Variants in MED12L observed in about 807,000 individuals in gnomAD.
MED12L encodes mediator complex subunit 12L, also known as mediator of RNA polymerase II transcription subunit 12-like protein.
A neutral mutation model predicts 281.3 loss-of-function variants in MED12L; 60 were observed. The observed-to-expected ratio is 0.21, with a 90% CI of 0.17 to 0.26. MED12L has a LOEUF of 0.26. Ranked by LOEUF, MED12L falls within the 10% of genes least tolerant of loss-of-function variation. The pLI is 1.00. For missense variants in MED12L, 2,146 were observed against 2,680.9 expected, an observed-to-expected ratio of 0.80 and a Z score of 4.41; for synonymous variants, 974 against 987.2, an observed-to-expected ratio of 0.99 and a Z score of 0.25.
chr3:151,310,254 G>C (rs550375316), intron 16 of MED12L, among the ~76,000 whole-genome samples: 63 of 152,296 alleles, frequency 4.1e-4, no homozygotes, highest in African/African-American at 1.3e-3. Context: ...TTAGAATAAA[G>C]TACACTGGGG....
At chr3:151,143,623 A>G (rs985329558) in intron 5 of MED12L, among the ~76,000 whole-genome samples, 4 of 152,084 alleles carry the variant, frequency 2.6e-5, no homozygotes, top group Admixed American at 6.5e-5. Context: ...CATTCCCCTG[A>G]ATCTTCAGGA....
At chr3:151,309,572 A>G (rs748099907) in intron 16 of MED12L, among the ~76,000 whole-genome samples, 17 of 152,140 alleles carry the variant, frequency 1.1e-4, no homozygotes, top group Non-Finnish European at 2.5e-4. Flanking sequence ...CTTATCTATT[A>G]GGCAAGCTCC....
chr3:151,172,642 T>C (rs1325356292), intron 11 of MED12L, among the ~76,000 whole-genome samples: 3 of 152,238 alleles, frequency 2.0e-5, no homozygotes, highest in Non-Finnish European at 2.9e-5. Flanking sequence ...AAGGAAATCA[T>C]GTTCATTTAA....
intron 16 of MED12L, chr3:151,336,452 TC>T: frequency 2.2e-6 from 1 of 451,848 alleles, no homozygotes. Flanking sequence ...TTATTAAAGT[TC>T]AGTGAACTTT....
intron 32 of MED12L, 113 bp downstream of exon 32, chr3:151,380,337 CTGT>C (rs1712035190): frequency 1.5e-6 from 1 of 687,036 alleles, no homozygotes; most frequent in Admixed American, 3.5e-5. Context: ...TGGCTCATGC[CTGT>C]AATCCCAGCA....
intron 40 of MED12L, among the ~76,000 whole-genome samples, chr3:151,409,843 A>G (rs957014353): frequency 1.3e-5 from 2 of 152,138 alleles, no homozygotes; most frequent in Non-Finnish European, 2.9e-5. Flanking sequence ...GCATGCACCT[A>G]TAGTCCCAGT....
chr3:151,284,788 A>G (rs1482743900), intron 16 of MED12L, among the ~76,000 whole-genome samples: 7 of 152,102 alleles, frequency 4.6e-5, no homozygotes, highest in Non-Finnish European at 8.8e-5. Flanking sequence ...TTGTATTTTC[A>G]GTAGTGACAG....
At chr3:151,318,411 G>A (rs1280596631) in intron 16 of MED12L, among the ~76,000 whole-genome samples, 1 of 150,680 alleles carries the variant, frequency 6.6e-6, no homozygotes, top group Non-Finnish European at 1.5e-5. Context: ...GAAGGGTTAT[G>A]CTATGCAGAC....
intron 16 of MED12L, among the ~76,000 whole-genome samples, chr3:151,247,067 C>T (rs1199308892): frequency 6.6e-6 from 1 of 152,156 alleles, no homozygotes; most frequent in Admixed American, 6.5e-5. Context: ...AAGAAGATAC[C>T]ATCTCACACC....
At chr3:151,247,962 C>CTTTTTTTTTTTTTTTTTTTTT (rs61102632) in intron 16 of MED12L, among the ~76,000 whole-genome samples, 12 of 75,898 alleles carry the variant, frequency 1.6e-4, no homozygotes, top group Non-Finnish European at 2.2e-4. Flanking sequence ...TCTTCTTCTT[C>CTTTTTTTTTTTTTTTTTTTTT]TTTTTTTTTT....
chr3:151,294,523 T>G (rs1391962219), intron 16 of MED12L: 4 of 1,614,144 alleles, frequency 2.5e-6, no homozygotes, highest in Non-Finnish European at 3.4e-6. Flanking sequence ...TTGACTGACT[T>G]ATGAATTGCC....
At chr3:151,333,575 C>T (rs955484276) in intron 16 of MED12L, among the ~76,000 whole-genome samples, 7 of 152,088 alleles carry the variant, frequency 4.6e-5, no homozygotes, top group Admixed American at 3.3e-4. Flanking sequence ...AGTTAGTTTA[C>T]GATAATAGTT....
intron 15 of MED12L, 57 bp from the exon 16 acceptor site, chr3:151,193,433 G>A (rs1724243298): frequency 7.1e-7 from 1 of 1,413,610 alleles, no homozygotes; most frequent in South Asian, 1.2e-5. Context: ...GTAGCACTGT[G>A]GTTTGGTTTT....
intron 16 of MED12L, among the ~76,000 whole-genome samples, chr3:151,268,752 CAG>C (rs1179976272): frequency 6.6e-6 from 1 of 152,102 alleles, no homozygotes; most frequent in Non-Finnish European, 1.5e-5. Context: ...TTGTTCTCTG[CAG>C]AGAGCTACTA....
intron 44 of MED12L, among the ~76,000 whole-genome samples, 187 bp downstream of exon 44, chr3:151,430,567 T>G (rs1283707969): frequency 6.6e-6 from 1 of 151,498 alleles, no homozygotes; most frequent in Non-Finnish European, 1.5e-5. Context: ...CTTCCTTTCC[T>G]GGGAAAGCCC....
rs547833596 is a variant in MED12L at position 151,294,702 on chromosome 3, C to T, written c.2251-55357C>T. On this transcript the variant is annotated intron_variant, in intron 16 of 44. Coordinates refer to ENST00000687756, the MANE Select transcript of MED12L (RefSeq NM_001393769.1). ...TGGATATTGTCCTCTGTTGGCTGACCATTTGTTAGGATGATGTTTGGCAAA... is the reference window on the plus strand; with the variant it reads ...TGGATATTGTCCTCTGTTGGCTGACTATTTGTTAGGATGATGTTTGGCAAA... 49 of 1,614,110 alleles carry T rather than the reference C, an allele frequency of 3.0e-5. No homozygotes were observed. In the East Asian group the frequency reaches 1.0e-3, roughly 34 times the overall value.
chr3:151,086,340 C>T (rs1400072233), intron 1 of MED12L: 1 of 152,832 alleles, frequency 6.5e-6, no homozygotes, highest in Non-Finnish European at 1.5e-5. Flanking sequence ...GCGGGGTCTG[C>T]GGGGCGCGTG....
chr3:151,342,480 C>T (rs1751984619), intron 16 of MED12L, among the ~76,000 whole-genome samples: 1 of 152,206 alleles, frequency 6.6e-6, no homozygotes, highest in Non-Finnish European at 1.5e-5. Flanking sequence ...GCTAGAAATG[C>T]ACATTTTTGG....
intron 41 of MED12L, among the ~76,000 whole-genome samples, chr3:151,412,709 T>G (rs1488432751): frequency 6.6e-6 from 1 of 152,248 alleles, no homozygotes; most frequent in Non-Finnish European, 1.5e-5. Context: ...AAATCCCACC[T>G]GTGCCATTTG....
Sources: gnomAD v4.1 joint callset for allele counts (sites outside exome capture counted in the v4.1 genomes callset) on GRCh38, gnomAD v4.1.1 for gene constraint, MANE v1.5 for transcripts, NCBI Gene and HGNC (gene_info 2026-07-23, HGNC 2026-07-21) for gene names.